EP400: variants seen among roughly 807,000 people sequenced by gnomAD.
The protein encoded by EP400 is E1A binding protein p400, also known as E1A-binding protein p400.
EP400 carries 105 observed loss-of-function variants against 354.1 expected under a neutral mutation model. That is an observed-to-expected ratio of 0.30 (90% CI 0.25 to 0.35). The LOEUF (loss-of-function observed/expected upper bound fraction) is 0.35, where lower values mean the gene tolerates loss of function less well. EP400 is among the 10% of genes least tolerant of loss of function. The probability of loss-of-function intolerance (pLI) is 1.00; values close to 1 mark genes in which losing one functional copy is unlikely to be tolerated. For synonymous variants in EP400, 1,646 were observed against 1,716.9 expected (o/e 0.96, Z 1.02); for missense variants, 3,280 against 4,121.0 (o/e 0.80, Z 5.59).
chr12:132,037,678 G>T lies in EP400; in HGVS notation c.5952-4G>T. 1 of 1,613,214 alleles carries T rather than the reference G, an allele frequency of 6.2e-7. No homozygotes were observed. Among genetic ancestry groups the T allele is most frequent in the South Asian group, 1.1e-5 (1 of 91,064 alleles). ...ACTTAGCATCTTACATCTTTTGTTT[G>T]CAGGCTTGTGAGTGGCAATTCCATT... On this transcript the variant is annotated splice_region_variant and splice_polypyrimidine_tract_variant and intron_variant, in intron 30 of 52. Coordinates refer to ENST00000389561, the MANE Select transcript of EP400 (RefSeq NM_015409.5).
chr12:132,044,834 G>T lies in EP400; in HGVS notation c.6665G>T (p.Ser2222Ile). The T allele has an allele frequency of 6.2e-7, 1 of 1,614,138 alleles. No individual in the cohort carries two copies. The highest frequency in any genetic ancestry group is 1.1e-5 in the South Asian group (1 of 91,076). The change falls in exon 37 of 53, where the codon AGC becomes ATC. Residue 2222 changes from serine (S) to isoleucine (I), a missense_variant. Transcript: ENST00000389561. Reference protein sequence around the residue: ...WTPPTPPQDDSDIYLDSVMCL... With the variant: ...WTPPTPPQDDIDIYLDSVMCL... ...CCACCCACCCCGCCGCAGGACGACA[G>T]CGACATCTACCTCGACTCGGTCATG...
At chr12:131,951,779 T>C (rs1457168926) in intron 1 of EP400, among the ~76,000 whole-genome samples, 1 of 151,404 alleles carries the variant, frequency 6.6e-6, no homozygotes. Context: ...TTTTTTTGTA[T>C]TGTTTGTTTG....
At chr12:132,051,348 G>T (rs984265320) in intron 41 of EP400, among the ~76,000 whole-genome samples, 1 of 152,174 alleles carries the variant, frequency 6.6e-6, no homozygotes, top group African/African-American at 2.4e-5. Context: ...ACACAAGACA[G>T]AGATAAAAGA....
At chr12:132,051,283 A>G (rs772035384) in intron 41 of EP400, among the ~76,000 whole-genome samples, 4 of 152,202 alleles carry the variant, frequency 2.6e-5, no homozygotes, top group Non-Finnish European at 4.4e-5. Flanking sequence ...CTCCAACCCT[A>G]CAGGGTCGGT....
Position 132,066,994 on chromosome 12 carries a change from G to C in EP400, c.8749+25G>C. 2.6e-6 allele frequency: 4 copies of C among 1,548,364 alleles called. No homozygotes were observed. In the South Asian group the frequency reaches 4.8e-5, roughly 19 times the overall value. On this transcript the variant is annotated intron_variant, in intron 49 of 52. Coordinates refer to ENST00000389561, the MANE Select transcript of EP400 (RefSeq NM_015409.5). The stretch of plus-strand genomic sequence containing the variant: ...GGTGCCCGCCCCAGCACACCCTCCC[G>C]TCCTGGGCTTGAGCCTGGTTTCACA...
chr12:132,035,662 A>G (rs1373391462), intron 30 of EP400, among the ~76,000 whole-genome samples: 7 of 148,594 alleles, frequency 4.7e-5, no homozygotes, highest in Admixed American at 2.0e-4. Flanking sequence ...TCGTGGAACG[A>G]CACACCCAGG....
rs776933994 is a variant in EP400, at chr12:132,013,223, T to G, written c.3611+45T>G. On this transcript the variant is annotated intron_variant, in intron 17 of 52. Coordinates refer to ENST00000389561, the MANE Select transcript of EP400 (RefSeq NM_015409.5). The surrounding 1 kb of genome is among the most constrained non-coding windows in gnomAD (Gnocchi z 4.5). ...GTCATTGAGTGTTCTTTGCTGTTGA[T>G]GTAGAAGATTCTCTTGAAGAAATCT... 4.5e-6 allele frequency: 7 copies of G among 1,564,360 alleles called. No individual in the cohort carries two copies. In the African/African-American group the frequency reaches 5.4e-5, roughly 12 times the overall value.
chr12:131,951,074 T>TA (rs1374183867), intron 1 of EP400, among the ~76,000 whole-genome samples: 1 of 145,176 alleles, frequency 6.9e-6, no homozygotes, highest in Non-Finnish European at 1.5e-5. Flanking sequence ...TATTTTTTTT[T>TA]TTTTTTTTTT....
rs751359574 is a variant in EP400, at chr12:132,045,305, G to T, written c.6785-14G>T. ...CTGGTTTACTCTCTTGCTGAAGACT[G>T]CCTCTCTGTTCAGCTGCAGGCAGGA... is the stretch of plus-strand genomic sequence containing the variant. On this transcript the variant is annotated splice_polypyrimidine_tract_variant and intron_variant, in intron 37 of 52. Coordinates refer to ENST00000389561, the MANE Select transcript of EP400 (RefSeq NM_015409.5). The T allele has an allele frequency of 5.6e-6, 9 of 1,613,580 alleles. No homozygotes were observed. The East Asian group carries it at 1.8e-4, about 32-fold the overall frequency.
Position 132,078,483 on chromosome 12 carries a change from T to G in EP400, c.*810T>G, listed in dbSNP as rs73482119. ...CCAGTTTTCGGGGGAAGCTGGTATTTGACATAGTGTGTTAAACAGCTCCTG... is the reference window on the plus strand; with the variant it reads ...CCAGTTTTCGGGGGAAGCTGGTATTGGACATAGTGTGTTAAACAGCTCCTG... On this transcript the variant is annotated 3_prime_UTR_variant, in exon 53 of 53. Coordinates refer to ENST00000389561, the MANE Select transcript of EP400 (RefSeq NM_015409.5). 19,527 of 152,360 alleles carry G rather than the reference T, an allele frequency of 0.13. 1,876 individuals carry two copies. Among genetic ancestry groups the G allele is most frequent in the African/African-American group, 0.27 (11,071 of 41,560 alleles). The allele number at this position is 152,360 out of a possible 1,614,324, so 9.4% of individuals were successfully genotyped here. A position where few individuals can be genotyped will look rare whatever the true frequency, so the allele number is the denominator to read the frequency against.
At chr12:131,954,386 G>A (rs537965526) in intron 1 of EP400, among the ~76,000 whole-genome samples, 4 of 151,692 alleles carry the variant, frequency 2.6e-5, no homozygotes, top group South Asian at 2.1e-4. Flanking sequence ...CCAGTAGTTC[G>A]AGACCAGCCT....
At chr12:132,062,079 T>C (rs1895713167) in intron 45 of EP400, 31 bp from the exon 46 acceptor site, 1 of 1,594,354 alleles carries the variant, frequency 6.3e-7, no homozygotes, top group Non-Finnish European at 8.6e-7. Context: ...GTGTGAAATA[T>C]TTGATGAGGT....
At position 132,006,217 on chromosome 12, in the gene EP400, G is replaced by A. The variant is rs200598997; in HGVS notation, c.3041G>A (p.Gly1014Glu). 129 of 1,614,204 alleles carry A rather than the reference G, an allele frequency of 8.0e-5. No homozygotes were observed. Among genetic ancestry groups the A allele is most frequent in the Non-Finnish European group, 2.4e-5 (28 of 1,180,046 alleles). ...AAAGCTGCCGAGAGGATGAATATCG[G>A]GAAGCCAAACGCCAAGGACATTGCG... Reference protein sequence around the residue: ...QFKAAERMNIGKPNAKDIADV... With the variant: ...QFKAAERMNIEKPNAKDIADV... The change falls in exon 14 of 53, where the codon GGG (glycine) becomes GAG (glutamate). Residue 1014 changes from glycine to glutamate, a missense_variant. Coordinates refer to ENST00000389561, the MANE Select transcript of EP400 (RefSeq NM_015409.5).
intron 12 of EP400, among the ~76,000 whole-genome samples, chr12:132,002,460 A>ACT (rs55872843): frequency 0.15 from 23,224 of 151,910 alleles, 2,573 homozygotes; most frequent in African/African-American, 0.32. Flanking sequence ...AGCGCTGTAT[A>ACT]CTCTGTGGGG....
chr12:131,993,141 C>G (rs1333779588), intron 11 of EP400, among the ~76,000 whole-genome samples: 1 of 152,196 alleles, frequency 6.6e-6, no homozygotes, highest in African/African-American at 2.4e-5. Flanking sequence ...ATTCTCTTGC[C>G]TCAGCCTCCT....
At chr12:131,973,178 G>A (rs1175767211) in intron 2 of EP400, among the ~76,000 whole-genome samples, 1 of 152,048 alleles carries the variant, frequency 6.6e-6, no homozygotes, top group Non-Finnish European at 1.5e-5. Flanking sequence ...ATTATTTTCA[G>A]GACCTGTAAT....
chr12:132,045,596 G>A (rs375877989), intron 38 of EP400, 36 bp downstream of exon 38: 24 of 1,610,270 alleles, frequency 1.5e-5, no homozygotes, highest in Non-Finnish European at 2.0e-5. Context: ...GCGGTCATGT[G>A]CGGTCATTTT....
intron 27 of EP400, 68 bp downstream of exon 27, chr12:132,028,356 G>C: frequency 6.4e-7 from 1 of 1,570,052 alleles, no homozygotes; most frequent in Non-Finnish European, 8.7e-7. Context: ...ACCCCTTCTT[G>C]TCTCGTGGAT....
Position 132,067,143 on chromosome 12 carries a change from C to T in EP400, c.8749+174C>T, listed in dbSNP as rs772119385. On this transcript the variant is annotated intron_variant, in intron 49 of 52. Coordinates refer to ENST00000389561, the MANE Select transcript of EP400 (RefSeq NM_015409.5). This position sits in a 1 kb window ranked among gnomAD's most constrained non-coding sequence, Gnocchi z 5.3. ...GCGCTTTCCAGGCGCAAGGCTGGGT[C>T]CTCAATTGAACTGTTAACATTCTGA... 8.1e-6 allele frequency: 9 copies of T among 1,108,978 alleles called. No individual in the cohort carries two copies. The highest frequency in any genetic ancestry group is 1.6e-5 in the African/African-American group (1 of 63,126). The allele number at this position is 1,108,978 out of a possible 1,614,324, so 68.7% of individuals were successfully genotyped here. A position where few individuals can be genotyped will look rare whatever the true frequency, so the allele number is the denominator to read the frequency against.
Sources: gnomAD v4.1 joint callset for allele counts (sites outside exome capture counted in the v4.1 genomes callset) on GRCh38, gnomAD v4.1.1 for gene constraint, Gnocchi (gnomAD v3.1) non-coding constraint, MANE v1.5 for transcripts, NCBI Gene and HGNC (gene_info 2026-07-23, HGNC 2026-07-21) for gene names.